The following INPP5A variants were observed in gnomAD, a reference collection of about 807,000 sequenced individuals.
INPP5A encodes the protein inositol polyphosphate-5-phosphatase A.
In INPP5A, 14 loss-of-function variants were observed where a neutral mutation model predicts 65.2. The observed-to-expected ratio is 0.21, with a 90% CI of 0.14 to 0.34. The LOEUF (loss-of-function observed/expected upper bound fraction) is 0.34. INPP5A is among the 10% of genes least tolerant of loss of function. The pLI, the probability that INPP5A is intolerant of heterozygous loss-of-function variation, is 1.00. For missense variants in INPP5A, 431 were observed against 545.6 expected, an observed-to-expected ratio of 0.79 and a Z score of 2.09; for synonymous variants, 207 against 208.3, an observed-to-expected ratio of 0.99 and a Z score of 0.05.
intron 11 of INPP5A, among the ~76,000 whole-genome samples, chr10:132,756,398 G>A (rs1003064538): frequency 2.0e-5 from 3 of 152,180 alleles, no homozygotes; most frequent in African/African-American, 7.2e-5. Context: ...GCGTGTACTT[G>A]TATGCACTTG....
intron 11 of INPP5A, among the ~76,000 whole-genome samples, chr10:132,756,994 T>C (rs993693780): frequency 2.0e-5 from 3 of 152,232 alleles, no homozygotes; most frequent in African/African-American, 7.2e-5. Flanking sequence ...AAAAAGTTTA[T>C]AGAATATATA....
chr10:132,731,836 C>A (rs1361337661), intron 9 of INPP5A, among the ~76,000 whole-genome samples: 1 of 152,228 alleles, frequency 6.6e-6, no homozygotes, highest in Non-Finnish European at 1.5e-5. Context: ...GAGGCATGCC[C>A]AGGGCGTTCG....
At chr10:132,615,583 T>G (rs2072020778) in intron 2 of INPP5A, among the ~76,000 whole-genome samples, 1 of 152,232 alleles carries the variant, frequency 6.6e-6, no homozygotes, top group African/African-American at 2.4e-5. Flanking sequence ...GGACCCAGCC[T>G]GCATTCGACA....
At chr10:132,769,342 G>T (rs377317814) in intron 12 of INPP5A, among the ~76,000 whole-genome samples, 39 of 152,328 alleles carry the variant, frequency 2.6e-4, no homozygotes, top group African/African-American at 9.1e-4. Context: ...TGTTTGAGGC[G>T]GTCAGGAGCA....
At position 132,637,631 on chromosome 10, in the gene INPP5A, C is replaced by T. The variant is rs1353786759; in HGVS notation, c.118-8237C>T. On this transcript the variant is annotated intron_variant, in intron 2 of 15. Coordinates refer to ENST00000368594, the MANE Select transcript of INPP5A (RefSeq NM_005539.5). The surrounding 1 kb of genome is among the most constrained non-coding windows in gnomAD (Gnocchi z 4.1). ...GTTGGGGTTTCCTTCCAGTGACTCT[C>T]CTGGCGCCTGCTGTGGCTGTCCTCC... Among the ~76,000 whole-genome samples, 5 of 152,166 alleles carry T rather than the reference C, an allele frequency of 3.3e-5. No homozygotes were observed. The highest frequency in any genetic ancestry group is 9.7e-5 in the African/African-American group (4 of 41,440).
chr10:132,675,134 A>G lies in INPP5A; in HGVS notation c.307-15258A>G, dbSNP rs1040112018. Reference sequence around the variant, plus strand: ...AGCAGCATCAAAAAAATAAAAACTCATACCCAGTCAGATTATAACAAATCA... The same window carrying G: ...AGCAGCATCAAAAAAATAAAAACTCGTACCCAGTCAGATTATAACAAATCA... On this transcript the variant is annotated intron_variant, in intron 4 of 15. Coordinates refer to ENST00000368594, the MANE Select transcript of INPP5A (RefSeq NM_005539.5). This position sits in a 1 kb window ranked among gnomAD's most constrained non-coding sequence, Gnocchi z 4.2. Among the ~76,000 whole-genome samples, 4 of 152,220 alleles carry G rather than the reference A, an allele frequency of 2.6e-5. No individual in the cohort carries two copies. The highest frequency in any genetic ancestry group is 9.6e-5 in the African/African-American group (4 of 41,458).
chr10:132,659,270 A>G lies in INPP5A; in HGVS notation c.306+8765A>G, dbSNP rs2072703558. ...CAGGAGCTGGAGCACTGAGAAAGGC[A>G]CCTTGCTGAGAGCAGCCTTGGAAGG... On this transcript the variant is annotated intron_variant, in intron 4 of 15. Coordinates refer to ENST00000368594, the MANE Select transcript of INPP5A (RefSeq NM_005539.5). The surrounding 1 kb of genome is among the most constrained non-coding windows in gnomAD (Gnocchi z 5.5). 6.6e-6 allele frequency among the ~76,000 whole-genome samples: 1 copy of G among 152,182 alleles called. No individual in the cohort carries two copies. Among genetic ancestry groups the G allele is most frequent in the Admixed American group, 6.5e-5 (1 of 15,278 alleles).
chr10:132,643,985 C>T (rs911000958), intron 2 of INPP5A, among the ~76,000 whole-genome samples: 2 of 152,140 alleles, frequency 1.3e-5, no homozygotes, highest in South Asian at 2.1e-4. Flanking sequence ...CCCCCACCCT[C>T]GGACACCACA....
rs141372312 is a variant in INPP5A at position 132,644,019 on chromosome 10, G to A, written c.118-1849G>A. Among the ~76,000 whole-genome samples, 378 of 152,176 alleles carry A rather than the reference G, an allele frequency of 2.5e-3. No homozygotes were observed. Among genetic ancestry groups the A allele is most frequent in the African/African-American group, 8.6e-3 (355 of 41,516 alleles). ...CAACAAAACCAGAGTTGTGCATCAA[G>A]ACAGCTGGAACCAGACCACCGGAAA... On this transcript the variant is annotated intron_variant, in intron 2 of 15. Transcript: ENST00000368594. The surrounding 1 kb of genome is among the most constrained non-coding windows in gnomAD (Gnocchi z 6.5).
intron 4 of INPP5A, among the ~76,000 whole-genome samples, chr10:132,669,819 C>T (rs1038098889): frequency 8.6e-5 from 13 of 152,032 alleles, no homozygotes; most frequent in African/African-American, 3.1e-4. Context: ...GGGCATTGTT[C>T]CCGTGTCCCT....
intron 8 of INPP5A, among the ~76,000 whole-genome samples, chr10:132,713,208 G>A (rs954309478): frequency 1.3e-5 from 2 of 151,710 alleles, no homozygotes; most frequent in African/African-American, 2.4e-5. Flanking sequence ...ATGTGTGTAG[G>A]TATGGGTGTG....
Position 132,697,801 on chromosome 10 carries a change from T to G in INPP5A, c.371-15T>G, listed in dbSNP as rs1297743794. On this transcript the variant is annotated splice_polypyrimidine_tract_variant and intron_variant, in intron 5 of 15. Coordinates refer to ENST00000368594, the MANE Select transcript of INPP5A (RefSeq NM_005539.5). This position sits in a 1 kb window ranked among gnomAD's most constrained non-coding sequence, Gnocchi z 5.6. ...AGTGATGGGATAGTCACCTCGTCCT[T>G]CTGGTCTCTTCCAGCTAAGAAGTAT... The G allele has an allele frequency of 6.4e-7, 1 of 1,566,200 alleles. No homozygotes were observed. Among genetic ancestry groups the G allele is most frequent in the South Asian group, 1.1e-5 (1 of 89,402 alleles).
At chr10:132,781,492 C>T (rs548944432) in intron 14 of INPP5A, among the ~76,000 whole-genome samples, 6 of 152,374 alleles carry the variant, frequency 3.9e-5, no homozygotes, top group South Asian at 2.1e-4. Flanking sequence ...CCGGATAAGA[C>T]GCTGGACCTG....
intron 5 of INPP5A, among the ~76,000 whole-genome samples, chr10:132,696,010 A>G (rs780242760): frequency 2.0e-5 from 3 of 152,186 alleles, no homozygotes; most frequent in Non-Finnish European, 4.4e-5. Context: ...CAGAGCCCTC[A>G]CGAATGGGAT....
chr10:132,556,873 G>A (rs1394243932), intron 1 of INPP5A, among the ~76,000 whole-genome samples: 1 of 152,124 alleles, frequency 6.6e-6, no homozygotes, highest in African/African-American at 2.4e-5. Flanking sequence ...ATGAGGCAGT[G>A]ACTGTAGGGT....
At chr10:132,766,603 A>G (rs924844330) in intron 12 of INPP5A, among the ~76,000 whole-genome samples, 4 of 152,182 alleles carry the variant, frequency 2.6e-5, no homozygotes, top group African/African-American at 9.7e-5. Flanking sequence ...ATATGTGAGC[A>G]TGAGTGAGAG....
intron 6 of INPP5A, among the ~76,000 whole-genome samples, chr10:132,701,293 C>G (rs969235873): frequency 2.6e-5 from 4 of 152,212 alleles, no homozygotes; most frequent in African/African-American, 7.2e-5. Flanking sequence ...AGGTGAAAAC[C>G]TCTCTGGGAG....
intron 1 of INPP5A, among the ~76,000 whole-genome samples, chr10:132,569,941 C>T (rs1187484872): frequency 6.1e-5 from 9 of 147,130 alleles, no homozygotes; most frequent in South Asian, 2.2e-4. Flanking sequence ...TGTGAGCCAC[C>T]GCACTGGGCC....
rs975873698 is a variant in INPP5A, at chr10:132,707,682, C to G, written c.475-631C>G. Among the ~76,000 whole-genome samples, 1 of 152,176 alleles carries G rather than the reference C, an allele frequency of 6.6e-6. No homozygotes were observed. The highest frequency in any genetic ancestry group is 2.4e-5 in the African/African-American group (1 of 41,422). ...CTTAAAGAACACCCCTCTTTGGAAT[C>G]TCATGCTGTTGACTGTTTCACTTGA... On this transcript the variant is annotated intron_variant, in intron 6 of 15. Transcript: ENST00000368594. This position sits in a 1 kb window ranked among gnomAD's most constrained non-coding sequence, Gnocchi z 5.5.
Sources: allele counts gnomAD v4.1 joint callset (sites outside exome capture counted in the v4.1 genomes callset), GRCh38; gene constraint gnomAD v4.1.1; non-coding constraint Gnocchi (gnomAD v3.1); transcripts MANE v1.5; gene names NCBI Gene and HGNC (gene_info 2026-07-23, HGNC 2026-07-21).